Variants in PCNX4 observed in about 807,000 individuals in gnomAD.
The protein encoded by PCNX4 is pecanex-like protein 4.
Under a neutral mutation model 107.2 loss-of-function variants are expected in PCNX4, and 103 were observed. The ratio of observed to expected loss-of-function variants is 0.96; its 90% confidence interval spans 0.82 to 1.13. The LOEUF (loss-of-function observed/expected upper bound fraction) is 1.13, where lower values mean the gene tolerates loss of function less well. Ranked by LOEUF, PCNX4 falls within the 50% of genes most tolerant of loss-of-function variation. The pLI is 0.00. For missense variants in PCNX4, 1,528 were observed against 1,379.4 expected, an observed-to-expected ratio of 1.11 and a Z score of -1.71; for synonymous variants, 541 against 481.7, an observed-to-expected ratio of 1.12 and a Z score of -1.61.
At position 60,121,181 on chromosome 14, in the gene PCNX4, T is replaced by TTTTTTTTTTTTTTTTTTTC; in HGVS notation, c.1943-15_1943-14insTTTTTTTTTTTTTTTTTTC. ...ATTTTCTTTTTTTTTTTTTTTTTTT[T>TTTTTTTTTTTTTTTTTTTC]CTAATTTGTTGTAGGTCTCCTCCTA... On this transcript the variant is annotated splice_polypyrimidine_tract_variant and intron_variant, in intron 7 of 10. Transcript: ENST00000406854. 6.6e-7 allele frequency: 1 copy of TTTTTTTTTTTTTTTTTTTC among 1,523,418 alleles called. No individual in the cohort carries two copies. 94.4% of individuals were successfully genotyped at this position (1,523,418 alleles called of 1,614,324 possible). A position where few individuals can be genotyped will look rare whatever the true frequency, so the allele number is the denominator to read the frequency against.
chr14:60,119,766 G>A (rs576607706), intron 7 of PCNX4, among the ~76,000 whole-genome samples: 18 of 152,098 alleles, frequency 1.2e-4, no homozygotes, highest in African/African-American at 4.1e-4. Context: ...CAAGAATTGC[G>A]TTATAAAGTA....
At chr14:60,107,562 C>CT in intron 1 of PCNX4, 24 bp from the exon 2 acceptor site, 6 of 1,301,616 alleles carry the variant, frequency 4.6e-6, no homozygotes, top group Non-Finnish European at 5.2e-6. Context: ...CAAACAGTGA[C>CT]TTTTTTTAAT....
chr14:60,105,052 T>G (rs1327879597), intron 1 of PCNX4, among the ~76,000 whole-genome samples: 1 of 152,192 alleles, frequency 6.6e-6, no homozygotes, highest in Non-Finnish European at 1.5e-5. Flanking sequence ...TTATACCAAT[T>G]ATGCATTCGA....
rs1417063924 is a variant in PCNX4 at position 60,115,459 on chromosome 14, T to C, written c.1355T>C (p.Leu452Ser). The C allele has an allele frequency of 3.3e-6, 5 of 1,520,636 alleles. No individual in the cohort carries two copies. The highest frequency in any genetic ancestry group is 4.4e-6 in the Non-Finnish European group (5 of 1,142,150). 94.2% of individuals were successfully genotyped at this position (1,520,636 alleles called of 1,614,324 possible). ...IGIVRRILLT[L>S]VSPFAMIAFL... ...ATTGTCAGACGGATTTTGCTAACTT[T>C]AGGTAGGAAGATAAAGTCTATTAAC... is the stretch of plus-strand genomic sequence containing the variant. The change falls in exon 4 of 11, where the codon TTA (leucine) becomes TCA (serine). Residue 452 changes from leucine to serine, a missense_variant and splice_region_variant. By Grantham distance (145) the Leu-to-Ser change is moderately radical. Coordinates refer to ENST00000406854, the MANE Select transcript of PCNX4 (RefSeq NM_001330177.2).
chr14:60,110,700 A>C (rs1895724386), intron 2 of PCNX4: 1 of 167,102 alleles, frequency 6.0e-6, no homozygotes, highest in Non-Finnish European at 1.5e-5. Flanking sequence ...GGTCTCATCC[A>C]TATCTGATTT....
At chr14:60,115,518 A>G in intron 4 of PCNX4, 57 bp downstream of exon 4, 3 of 1,477,694 alleles carry the variant, frequency 2.0e-6, no homozygotes, top group East Asian at 4.5e-5. Flanking sequence ...GAAGTATTCA[A>G]AAATATTACT....
chr14:60,123,514 A>G (rs1336909024), intron 8 of PCNX4, among the ~76,000 whole-genome samples: 1 of 152,112 alleles, frequency 6.6e-6, no homozygotes, highest in Non-Finnish European at 1.5e-5. Flanking sequence ...CAATATTTAA[A>G]TAAGCAGTAG....
intron 6 of PCNX4, among the ~76,000 whole-genome samples, chr14:60,116,880 C>T (rs571008054): frequency 6.6e-6 from 1 of 151,924 alleles, no homozygotes; most frequent in South Asian, 2.1e-4. Flanking sequence ...TTCTGTAGGC[C>T]TAGACTGATA....
chr14:60,118,830 A>G lies in PCNX4; in HGVS notation c.1942+138A>G, dbSNP rs1895902455. ...AACAATTTGATGTGTAGGCAGAAAG[A>G]CTAAATATGAAATTAGAAGTTTATC... On this transcript the variant is annotated intron_variant, in intron 7 of 10. Coordinates refer to ENST00000406854, the MANE Select transcript of PCNX4 (RefSeq NM_001330177.2). The G allele has an allele frequency of 5.3e-6, 5 of 946,206 alleles. No homozygotes were observed. In the South Asian group the frequency reaches 1.3e-4, roughly 25 times the overall value. The allele number at this position is 946,206 out of a possible 1,614,324, so 58.6% of individuals were successfully genotyped here. A position where few individuals can be genotyped will look rare whatever the true frequency, so the allele number is the denominator to read the frequency against.
intron 10 of PCNX4, among the ~76,000 whole-genome samples, chr14:60,128,841 A>G (rs138786766): frequency 0.013 from 1,961 of 152,330 alleles, 41 homozygotes; most frequent in African/African-American, 0.046. Context: ...GCTGTACTGG[A>G]TAAAGGAAAT....
intron 2 of PCNX4, 48 bp from the exon 3 acceptor site, chr14:60,114,652 C>G: frequency 3.6e-6 from 5 of 1,404,802 alleles, no homozygotes; most frequent in Non-Finnish European, 4.8e-6. Context: ...TTAAAAGATC[C>G]TCTTCTATAT....
rs569008916 is a variant in PCNX4 at position 60,140,441 on chromosome 14, G to A, written c.*6220G>A. On this transcript the variant is annotated 3_prime_UTR_variant, in exon 11 of 11. Transcript: ENST00000406854. The surrounding 1 kb of genome is among the most constrained non-coding windows in gnomAD (Gnocchi z 4.2). ...AGACAATCTTAAATTCTTACAAAGA[G>A]CAGTAGAAATGCAGGAACCCTCCCC... The A allele has an allele frequency of 6.6e-6, 1 of 152,232 alleles. No individual in the cohort carries two copies. The highest frequency in any genetic ancestry group is 6.5e-5 in the Admixed American group (1 of 15,274). The allele number at this position is 152,232 out of a possible 1,614,324, so 9.4% of individuals were successfully genotyped here.
chr14:60,112,056 G>A lies in PCNX4; in HGVS notation c.690-2644G>A, dbSNP rs1403607674. Among the ~76,000 whole-genome samples the A allele has an allele frequency of 2.6e-5, 4 of 152,192 alleles. No individual in the cohort carries two copies. In the East Asian group the frequency reaches 7.7e-4, roughly 29 times the overall value. On this transcript the variant is annotated intron_variant, in intron 2 of 10. Coordinates refer to ENST00000406854, the MANE Select transcript of PCNX4 (RefSeq NM_001330177.2). ...ATTTCAGAAGATATGAAAGGGAGCA[G>A]AAGAGGCGAACCCCGCAGTGTAGTA...
chr14:60,108,202 A>T lies in PCNX4; in HGVS notation c.564A>T (p.Glu188Asp). ...GATGGATGACACTATGTATAGCAGAATATTCTTTAATTGTAAACACAGCTA... is the reference window on the plus strand; with the variant it reads ...GATGGATGACACTATGTATAGCAGATTATTCTTTAATTGTAAACACAGCTA... ...FFGWMTLCIA[E>D]YSLIVNTATE... The change falls in exon 2 of 11, where the codon GAA becomes GAT. Residue 188 changes from glutamate to aspartate, a missense_variant. Coordinates refer to ENST00000406854, the MANE Select transcript of PCNX4 (RefSeq NM_001330177.2). 6.2e-7 allele frequency: 1 copy of T among 1,612,840 alleles called. No individual in the cohort carries two copies. Among genetic ancestry groups the T allele is most frequent in the South Asian group, 1.1e-5 (1 of 91,080 alleles).
In PCNX4 at chr14:60,121,181, T is replaced by G; in HGVS notation, c.1943-15T>G. 8 of 1,523,408 alleles carry G rather than the reference T, an allele frequency of 5.3e-6. No individual in the cohort carries two copies. The highest frequency in any genetic ancestry group is 7.0e-6 in the Non-Finnish European group (8 of 1,139,274). 94.4% of individuals were successfully genotyped at this position (1,523,408 alleles called of 1,614,324 possible). Reference sequence around the variant, plus strand: ...ATTTTCTTTTTTTTTTTTTTTTTTTTCTAATTTGTTGTAGGTCTCCTCCTA... The same window carrying G: ...ATTTTCTTTTTTTTTTTTTTTTTTTGCTAATTTGTTGTAGGTCTCCTCCTA... On this transcript the variant is annotated splice_polypyrimidine_tract_variant and intron_variant, in intron 7 of 10. Coordinates refer to ENST00000406854, the MANE Select transcript of PCNX4 (RefSeq NM_001330177.2).
chr14:60,129,017 A>T (rs1595178973), intron 10 of PCNX4, among the ~76,000 whole-genome samples: 2 of 151,646 alleles, frequency 1.3e-5, no homozygotes, highest in South Asian at 4.2e-4. Context: ...GTTTGAGACC[A>T]GCCTGGCCAA....
chr14:60,097,763 G>A (rs1234705186), intron 1 of PCNX4, among the ~76,000 whole-genome samples: 1 of 152,206 alleles, frequency 6.6e-6, no homozygotes, highest in African/African-American at 2.4e-5. Context: ...ATATGCCTAG[G>A]ACTAATGTTC....
rs539540889 is a variant in PCNX4, at chr14:60,097,973, T to C, written c.-54+5554T>C. 5.9e-5 allele frequency among the ~76,000 whole-genome samples: 9 copies of C among 152,236 alleles called. No individual in the cohort carries two copies. The East Asian group carries it at 1.5e-3, about 26-fold the overall frequency. On this transcript the variant is annotated intron_variant, in intron 1 of 10. Transcript: ENST00000406854. ...CATTTTTATAACTACAGGGTCTGGATTGACAGAGCAGGAGCATCACCCTCT... is the reference window on the plus strand; with the variant it reads ...CATTTTTATAACTACAGGGTCTGGACTGACAGAGCAGGAGCATCACCCTCT...
intron 1 of PCNX4, among the ~76,000 whole-genome samples, chr14:60,098,097 A>G (rs139221104): frequency 4.1e-4 from 62 of 152,292 alleles, no homozygotes; most frequent in African/African-American, 1.4e-3. Context: ...GCATGAACAT[A>G]AATCACACAA....
Sources: allele counts gnomAD v4.1 joint callset (sites outside exome capture counted in the v4.1 genomes callset), GRCh38; gene constraint gnomAD v4.1.1; non-coding constraint Gnocchi (gnomAD v3.1); transcripts MANE v1.5; gene names NCBI Gene and HGNC (gene_info 2026-07-23, HGNC 2026-07-21).